Variants in TNNI3K observed in about 807,000 individuals in gnomAD.
TNNI3K encodes TNNI3 interacting kinase, also known as serine/threonine-protein kinase TNNI3K.
TNNI3K carries 140 observed loss-of-function variants against 114.5 expected under a neutral mutation model. The observed-to-expected ratio is 1.22, with a 90% CI of 1.07 to 1.41. The LOEUF is 1.41. TNNI3K is among the 40% of genes most tolerant of loss of function. The pLI, the probability that TNNI3K is intolerant of heterozygous loss-of-function variation, is 0.00. For missense variants in TNNI3K, 1,125 were observed against 1,007.6 expected (o/e 1.12, Z -1.58); for synonymous variants, 347 against 347.5 (o/e 1.00, Z 0.02).
intron 17 of TNNI3K, among the ~76,000 whole-genome samples, chr1:74,380,776 C>T (rs1663162475): frequency 6.6e-6 from 1 of 152,102 alleles, no homozygotes; most frequent in Admixed American, 6.6e-5. Flanking sequence ...AAGCAGCTAA[C>T]CTTTCAATAA....
intron 5 of TNNI3K, among the ~76,000 whole-genome samples, chr1:74,286,144 G>A (rs1052480801): frequency 2.6e-5 from 4 of 152,156 alleles, no homozygotes; most frequent in Admixed American, 6.5e-5. Flanking sequence ...TAAAGCCTAT[G>A]CAGTTCAGTA....
intron 20 of TNNI3K, among the ~76,000 whole-genome samples, chr1:74,448,285 A>AATGCTTGT (rs1666802932): frequency 2.1e-5 from 3 of 141,560 alleles, no homozygotes; most frequent in Non-Finnish European, 4.6e-5. Flanking sequence ...AAAAAAAAAG[A>AATGCTTGT]ATGCTTGTGA....
At chr1:74,359,667 A>G (rs1451434779) in intron 11 of TNNI3K, among the ~76,000 whole-genome samples, 3 of 152,080 alleles carry the variant, frequency 2.0e-5, no homozygotes, top group African/African-American at 7.2e-5. Context: ...GCGTAGTTGC[A>G]TGCAAATACA....
At chr1:74,268,942 A>T (rs1656182057) in intron 4 of TNNI3K, among the ~76,000 whole-genome samples, 1 of 151,968 alleles carries the variant, frequency 6.6e-6, no homozygotes, top group South Asian at 2.1e-4. Context: ...GCCCTGCAAG[A>T]TTATACATCT....
chr1:74,336,841 T>C (rs1051830190), intron 7 of TNNI3K, among the ~76,000 whole-genome samples: 1 of 152,068 alleles, frequency 6.6e-6, no homozygotes, highest in African/African-American at 2.4e-5. Context: ...AGCAGCATGA[T>C]TTATAGTCCT....
rs1193783986 is a variant in TNNI3K, at chr1:74,294,936, A to G, written c.444+23228A>G. ...TTTTCTGGGGAAAATATAACTTGGA[A>G]TTTTTTCTAACTTCTTAAGATGAAT... On this transcript the variant is annotated intron_variant, in intron 5 of 24. Transcript: ENST00000326637. Among the ~76,000 whole-genome samples the G allele has an allele frequency of 2.0e-5, 3 of 151,024 alleles. No individual in the cohort carries two copies. In the East Asian group the frequency reaches 5.8e-4, roughly 29 times the overall value.
At chr1:74,269,592 A>C (rs1226274642) in intron 4 of TNNI3K, among the ~76,000 whole-genome samples, 2 of 151,970 alleles carry the variant, frequency 1.3e-5, no homozygotes, top group Admixed American at 6.6e-5. Context: ...AGTTAAAACC[A>C]GTAGAATTCT....
chr1:74,349,517 T>A (rs1661212031), intron 9 of TNNI3K, among the ~76,000 whole-genome samples: 1 of 152,194 alleles, frequency 6.6e-6, no homozygotes, highest in African/African-American at 2.4e-5. Context: ...CCTCTTTTTC[T>A]ATTGATTGGA....
At chr1:74,392,863 T>A (rs57764836) in intron 17 of TNNI3K, among the ~76,000 whole-genome samples, 1,764 of 152,310 alleles carry the variant, frequency 0.012, 37 homozygotes, top group African/African-American at 0.04. Flanking sequence ...TTGGGAAGCA[T>A]AATTAAGGTT....
rs181268293 is a variant in TNNI3K, at chr1:74,393,475, A to T, written c.1772+23083A>T. Among the ~76,000 whole-genome samples, 174 of 152,306 alleles carry T rather than the reference A, an allele frequency of 1.1e-3. 3 individuals carry two copies. The highest frequency in any genetic ancestry group is 1.2e-4 in the Non-Finnish European group (8 of 68,030). On this transcript the variant is annotated intron_variant, in intron 17 of 24. Transcript: ENST00000326637. ...TACTTGTGTTCAAGCACCTGAAATC[A>T]CTGTTTCTTTAACAGACCACAAAAG...
chr1:74,509,479 G>A (rs1670068510), intron 23 of TNNI3K, among the ~76,000 whole-genome samples: 2 of 152,122 alleles, frequency 1.3e-5, no homozygotes, highest in African/African-American at 2.4e-5. Flanking sequence ...TTACACAAAT[G>A]AATGATTTTC....
At chr1:74,318,215 C>A (rs1051606633) in intron 5 of TNNI3K, among the ~76,000 whole-genome samples, 3 of 152,156 alleles carry the variant, frequency 2.0e-5, no homozygotes, top group Non-Finnish European at 4.4e-5. Flanking sequence ...TTGAGATTGT[C>A]TCAGGTAAGA....
intron 17 of TNNI3K, among the ~76,000 whole-genome samples, chr1:74,427,338 G>GCTAA (rs1665687915): frequency 6.8e-6 from 1 of 146,586 alleles, no homozygotes; most frequent in Non-Finnish European, 1.5e-5. Context: ...CTTTATTTTA[G>GCTAA]TAATCAGACT....
At chr1:74,526,497 G>A (rs1009111884) in intron 23 of TNNI3K, among the ~76,000 whole-genome samples, 2 of 152,142 alleles carry the variant, frequency 1.3e-5, no homozygotes, top group African/African-American at 4.8e-5. Context: ...GGCCAAGTTA[G>A]TTGAGCTCTC....
At chr1:74,307,315 T>C (rs541819) in intron 5 of TNNI3K, among the ~76,000 whole-genome samples, 150,873 of 152,236 alleles carry the variant, frequency 0.99, 74,779 homozygotes, top group Middle Eastern at 1. Flanking sequence ...TTGCTTCTCT[T>C]AAAAGACATA....
chr1:74,332,322 A>T (rs1660245346), intron 6 of TNNI3K, among the ~76,000 whole-genome samples: 1 of 149,210 alleles, frequency 6.7e-6, no homozygotes, highest in African/African-American at 2.5e-5. Context: ...TTTTTGTGAG[A>T]CGGAGTATTG....
chr1:74,328,317 C>G (rs1291034674), intron 5 of TNNI3K, among the ~76,000 whole-genome samples: 1 of 151,026 alleles, frequency 6.6e-6, no homozygotes. Flanking sequence ...CCAACTTTTT[C>G]AGGTTCTGAA....
chr1:74,339,269 A>G (rs972758131), intron 7 of TNNI3K, among the ~76,000 whole-genome samples: 20 of 152,132 alleles, frequency 1.3e-4, no homozygotes, highest in African/African-American at 4.8e-4. Context: ...CAATTATTTT[A>G]TAAAGTCAAG....
rs549290839 is a variant in TNNI3K at position 74,526,752 on chromosome 1, C to A, written c.2352-13482C>A. Among the ~76,000 whole-genome samples the A allele has an allele frequency of 3.3e-5, 5 of 152,250 alleles. No individual in the cohort carries two copies. The East Asian group carries it at 9.6e-4, about 29-fold the overall frequency. On this transcript the variant is annotated intron_variant, in intron 23 of 24. Coordinates refer to ENST00000326637, the MANE Select transcript of TNNI3K (RefSeq NM_015978.3). The stretch of plus-strand genomic sequence containing the variant: ...GGAGATCCTACATTCACTGAGATAT[C>A]ATTGTTTGGCCCAAAGGGAGAAGGC...
Sources: allele counts gnomAD v4.1 joint callset (sites outside exome capture counted in the v4.1 genomes callset), GRCh38; gene constraint gnomAD v4.1.1; transcripts MANE v1.5; gene names NCBI Gene and HGNC (gene_info 2026-07-23, HGNC 2026-07-21).